PIAS1: variants seen among roughly 807,000 people sequenced by gnomAD.
PIAS1 encodes protein inhibitor of activated STAT 1, also known as E3 SUMO-protein ligase PIAS1.
Under a neutral mutation model 71.3 loss-of-function variants are expected in PIAS1, and 6 were observed. The observed-to-expected ratio is 0.08, with a 90% CI of 0.05 to 0.17. PIAS1 has a LOEUF of 0.17. PIAS1 is among the 10% of genes least tolerant of loss of function. PIAS1 has a pLI of 1.00. For missense variants in PIAS1, 555 were observed against 793.6 expected (o/e 0.70, Z 3.61); for synonymous variants, 303 against 292.9 (o/e 1.03, Z -0.35).
At position 68,167,076 on chromosome 15, in the gene PIAS1, C is replaced by T. The variant is rs569254773; in HGVS notation, c.1008+2272C>T. 1.3e-5 allele frequency among the ~76,000 whole-genome samples: 2 copies of T among 152,318 alleles called. No homozygotes were observed. Among genetic ancestry groups the T allele is most frequent in the Admixed American group, 6.5e-5 (1 of 15,294 alleles). ...TCCTGGCCTCAAGCAATCCTCCTGC[C>T]TTGGCCTCCCTTGGGATTACAGGCG... On this transcript the variant is annotated intron_variant, in intron 8 of 13. Transcript: ENST00000249636. This position sits in a 1 kb window ranked among gnomAD's most constrained non-coding sequence, Gnocchi z 4.4.
chr15:68,087,025 A>G (rs752933863), intron 2 of PIAS1, among the ~76,000 whole-genome samples: 1 of 152,248 alleles, frequency 6.6e-6, no homozygotes, highest in Non-Finnish European at 1.5e-5. Context: ...AGGTTGATTA[A>G]TATTTTATAA....
At chr15:68,106,411 A>C (rs2092470648) in intron 2 of PIAS1, among the ~76,000 whole-genome samples, 1 of 152,086 alleles carries the variant, frequency 6.6e-6, no homozygotes, top group Non-Finnish European at 1.5e-5. Flanking sequence ...AACTTTAGAA[A>C]ATAACCTTTG....
intron 8 of PIAS1, among the ~76,000 whole-genome samples, chr15:68,169,019 A>G (rs1373339221): frequency 1.3e-5 from 2 of 152,294 alleles, no homozygotes; most frequent in East Asian, 3.9e-4. Context: ...TTCTGAAACA[A>G]TCTTTATTTC....
At chr15:68,114,580 A>C (rs2092549888) in intron 2 of PIAS1, among the ~76,000 whole-genome samples, 1 of 152,124 alleles carries the variant, frequency 6.6e-6, no homozygotes, top group Admixed American at 6.5e-5. Flanking sequence ...GACAGCAAGA[A>C]ATATTCTATA....
At chr15:68,060,425 C>T (rs1440666340) in intron 1 of PIAS1, among the ~76,000 whole-genome samples, 1 of 151,898 alleles carries the variant, frequency 6.6e-6, no homozygotes, top group Non-Finnish European at 1.5e-5. Context: ...CCAGCCTGAC[C>T]AACATGGTGA....
rs75775057 is a variant in PIAS1 at position 68,146,072 on chromosome 15, C to A, written c.693+166C>A. 0.021 allele frequency among the ~76,000 whole-genome samples: 3,167 copies of A among 152,220 alleles called. 113 individuals are homozygous for A. The highest frequency in any genetic ancestry group is 0.072 in the African/African-American group (2,985 of 41,524). On this transcript the variant is annotated intron_variant, in intron 5 of 13. Transcript: ENST00000249636. ...TGTACCAACTATGTACAGTTAGCAG[C>A]AGTGACATTAGCTTTGGGGACATAG...
At chr15:68,090,763 A>C (rs964107836) in intron 2 of PIAS1, among the ~76,000 whole-genome samples, 3 of 152,114 alleles carry the variant, frequency 2.0e-5, no homozygotes, top group African/African-American at 7.2e-5. Flanking sequence ...CTCTGAGGTT[A>C]ATTGATGTCT....
rs1567075339 is a variant in PIAS1, at chr15:68,171,943, A to G, written c.1009-1789A>G. On this transcript the variant is annotated intron_variant, in intron 8 of 13. Transcript: ENST00000249636. This position sits in a 1 kb window ranked among gnomAD's most constrained non-coding sequence, Gnocchi z 4.4. ...TTTATATGTTTTATATATATATAAA[A>G]TACTTTAAGTTCTATGGTACATGTG... Among the ~76,000 whole-genome samples the G allele has an allele frequency of 6.6e-6, 1 of 151,852 alleles. No homozygotes were observed. Among genetic ancestry groups the G allele is most frequent in the Admixed American group, 6.6e-5 (1 of 15,260 alleles).
At chr15:68,075,091 T>C (rs1375933414) in intron 1 of PIAS1, among the ~76,000 whole-genome samples, 4 of 139,854 alleles carry the variant, frequency 2.9e-5, no homozygotes, top group African/African-American at 5.3e-5. Flanking sequence ...TTTTTTTTTT[T>C]TTTTTTTTTT....
At chr15:68,057,233 A>G (rs969525682) in intron 1 of PIAS1, among the ~76,000 whole-genome samples, 2 of 152,206 alleles carry the variant, frequency 1.3e-5, no homozygotes, top group East Asian at 1.9e-4. Context: ...TGAATTCTCT[A>G]TGCACATTTG....
In PIAS1 at chr15:68,186,698, A is replaced by T. The variant is rs111231104; in HGVS notation, c.1663-844A>T. Among the ~76,000 whole-genome samples, 2,162 of 152,244 alleles carry T rather than the reference A, an allele frequency of 0.014. 61 individuals carry two copies. Among genetic ancestry groups the T allele is most frequent in the African/African-American group, 0.05 (2,067 of 41,508 alleles). The stretch of plus-strand genomic sequence containing the variant: ...GGTAAGTGCCCTATACAGGTGTATC[A>T]TTTTTTTATCTTTTATACCATATTT... On this transcript the variant is annotated intron_variant, in intron 13 of 13. Transcript: ENST00000249636. This position sits in a 1 kb window ranked among gnomAD's most constrained non-coding sequence, Gnocchi z 4.4.
chr15:68,121,371 A>G (rs1317941177), intron 2 of PIAS1, among the ~76,000 whole-genome samples: 3 of 148,670 alleles, frequency 2.0e-5, no homozygotes, highest in Non-Finnish European at 3.0e-5. Context: ...ATGCTGTTCT[A>G]TATATTTCCT....
At chr15:68,092,911 A>G (rs1483731531) in intron 2 of PIAS1, among the ~76,000 whole-genome samples, 1 of 152,250 alleles carries the variant, frequency 6.6e-6, no homozygotes, top group Non-Finnish European at 1.5e-5. Flanking sequence ...CAAATGGATT[A>G]AGATACTCCT....
chr15:68,096,930 G>T (rs763819129), intron 2 of PIAS1, among the ~76,000 whole-genome samples: 13 of 151,992 alleles, frequency 8.6e-5, no homozygotes, highest in Non-Finnish European at 1.8e-4. Context: ...AATTGCTCTG[G>T]CTAGTACTTC....
intron 1 of PIAS1, among the ~76,000 whole-genome samples, chr15:68,084,896 A>G (rs1335599008): frequency 1.3e-5 from 2 of 152,216 alleles, no homozygotes; most frequent in African/African-American, 2.4e-5. Flanking sequence ...TCATCCTACC[A>G]AGGCTAATGG....
intron 2 of PIAS1, among the ~76,000 whole-genome samples, chr15:68,123,634 A>G (rs574624583): frequency 2.0e-5 from 3 of 152,160 alleles, no homozygotes; most frequent in Non-Finnish European, 2.9e-5. Context: ...GTTAAATAAC[A>G]TGGAGGAGTC....
chr15:68,132,876 A>G (rs183347832), intron 2 of PIAS1, among the ~76,000 whole-genome samples: 2 of 152,164 alleles, frequency 1.3e-5, no homozygotes, highest in African/African-American at 4.8e-5. Flanking sequence ...GTAAAAATTA[A>G]CTAGAAAACT....
chr15:68,082,461 A>G (rs1450517858), intron 1 of PIAS1, among the ~76,000 whole-genome samples: 1 of 152,162 alleles, frequency 6.6e-6, no homozygotes, highest in East Asian at 1.9e-4. Context: ...GAAAGTTAAT[A>G]CTTTTAGCTG....
chr15:68,106,395 C>T (rs891814256), intron 2 of PIAS1, among the ~76,000 whole-genome samples: 1 of 129,514 alleles, frequency 7.7e-6, no homozygotes, highest in South Asian at 2.6e-4. Context: ...GAAACACAAA[C>T]AAAAAAACTT....
Sources: allele counts gnomAD v4.1 joint callset (sites outside exome capture counted in the v4.1 genomes callset), GRCh38; gene constraint gnomAD v4.1.1; non-coding constraint Gnocchi (gnomAD v3.1); transcripts MANE v1.5; gene names NCBI Gene and HGNC (gene_info 2026-07-23, HGNC 2026-07-21).